The following TNS3 variants were observed in gnomAD, a reference collection of about 807,000 sequenced individuals.
TNS3 encodes tensin-3.
In TNS3, 45 loss-of-function variants were observed where a neutral mutation model predicts 140.9. The observed-to-expected ratio is 0.32, with a 90% CI of 0.25 to 0.41. TNS3 has a LOEUF of 0.41. Among genes scored for constraint, TNS3 ranks in the 10% least tolerant of loss-of-function variants. TNS3 has a pLI of 1.00. For synonymous variants in TNS3, 815 were observed against 788.4 expected (o/e 1.03, Z -0.56); for missense variants, 1,716 against 1,906.7 (o/e 0.90, Z 1.86).
intron 1 of TNS3, among the ~76,000 whole-genome samples, chr7:47,554,482 C>T (rs1202878597): frequency 6.6e-6 from 1 of 150,406 alleles, no homozygotes; most frequent in African/African-American, 2.5e-5. Context: ...CCTTTAAGAA[C>T]ATTTGTGATT....
intron 4 of TNS3, among the ~76,000 whole-genome samples, chr7:47,463,091 G>GA (rs1469326507): frequency 6.6e-6 from 1 of 152,148 alleles, no homozygotes; most frequent in Admixed American, 6.5e-5. Context: ...CCGTCTCTAG[G>GA]AGAAATACAG....
intron 1 of TNS3, among the ~76,000 whole-genome samples, chr7:47,534,537 A>C (rs1799532508): frequency 6.6e-6 from 1 of 152,196 alleles, no homozygotes; most frequent in Admixed American, 6.5e-5. Flanking sequence ...CAATTAAATC[A>C]GATTACCTGG....
At chr7:47,527,192 G>A (rs377023141) in intron 2 of TNS3, among the ~76,000 whole-genome samples, 14 of 152,242 alleles carry the variant, frequency 9.2e-5, no homozygotes, top group Middle Eastern at 3.4e-3. Context: ...AGCCGAGATC[G>A]CGCCACTGCA....
chr7:47,546,264 C>CA (rs1277577431), intron 1 of TNS3, among the ~76,000 whole-genome samples: 2 of 152,206 alleles, frequency 1.3e-5, no homozygotes, highest in Non-Finnish European at 2.9e-5. Context: ...AGACCTTAAC[C>CA]ATCTTACCTG....
At chr7:47,428,287 C>A in intron 9 of TNS3, 25 bp downstream of exon 9, 1 of 1,401,926 alleles carries the variant, frequency 7.1e-7, no homozygotes, top group Non-Finnish European at 9.3e-7. Context: ...CACCTCAAGA[C>A]AGCGAGCTGA....
intron 20 of TNS3, among the ~76,000 whole-genome samples, chr7:47,311,398 G>A (rs1177326393): frequency 2.4e-5 from 2 of 84,932 alleles, no homozygotes; most frequent in Non-Finnish European, 4.9e-5. Context: ...AGAACTTAAA[G>A]AGTGTGTGTG....
rs1441040713 is a variant in TNS3 at position 47,416,260 on chromosome 7, G to A, written c.474-1054C>T. ...GAAGTGGCAGGTGACTGTGTTGCCA[G>A]CACCTACAACCATCCTACCCTAAGC... On this transcript the variant is annotated intron_variant, in intron 10 of 30. Transcript: ENST00000311160. Among the ~76,000 whole-genome samples, 9 of 152,326 alleles carry A rather than the reference G, an allele frequency of 5.9e-5. 1 individual carries two copies. The highest frequency in any genetic ancestry group is 1.9e-4 in the African/African-American group (8 of 41,572).
At chr7:47,396,943 AC>A in intron 15 of TNS3, 39 bp from the exon 16 acceptor site, 2 of 1,495,196 alleles carry the variant, frequency 1.3e-6, no homozygotes, top group Non-Finnish European at 1.9e-6. Flanking sequence ...TCCCAGTGAA[AC>A]CCATCACCTC....
At chr7:47,411,456 A>C (rs2151409460) in intron 13 of TNS3, among the ~76,000 whole-genome samples, 1 of 152,294 alleles carries the variant, frequency 6.6e-6, no homozygotes, top group Middle Eastern at 3.4e-3. Flanking sequence ...TCGCACTCTT[A>C]TAAGAATCTC....
chr7:47,491,659 T>G (rs1178245931), intron 3 of TNS3, among the ~76,000 whole-genome samples: 1 of 152,176 alleles, frequency 6.6e-6, no homozygotes, highest in African/African-American at 2.4e-5. Context: ...AGGCATTTCC[T>G]GGACAATTTT....
intron 3 of TNS3, among the ~76,000 whole-genome samples, chr7:47,504,737 G>T (rs1049355301): frequency 5.9e-5 from 9 of 152,186 alleles, no homozygotes; most frequent in Non-Finnish European, 2.9e-5. Flanking sequence ...AGCAGCTGGG[G>T]AGTTATGGCC....
At chr7:47,453,254 G>T in intron 4 of TNS3, 1 of 985,604 alleles carries the variant, frequency 1.0e-6, no homozygotes. Context: ...CCTGCCAAGG[G>T]CCTGAGGGAC....
intron 20 of TNS3, among the ~76,000 whole-genome samples, chr7:47,343,297 G>C (rs1239243570): frequency 1.3e-5 from 2 of 152,218 alleles, no homozygotes; most frequent in African/African-American, 2.4e-5. Context: ...CAGCCTCCTA[G>C]ACCCTTCTGG....
At chr7:47,285,851 G>A (rs916245073) in intron 27 of TNS3, among the ~76,000 whole-genome samples, 4 of 152,090 alleles carry the variant, frequency 2.6e-5, no homozygotes, top group Non-Finnish European at 4.4e-5. Flanking sequence ...TAGCTCCCTC[G>A]GTGTAATACC....
At chr7:47,444,974 T>C (rs969043086) in intron 4 of TNS3, among the ~76,000 whole-genome samples, 16 of 152,152 alleles carry the variant, frequency 1.1e-4, no homozygotes, top group African/African-American at 3.4e-4. Flanking sequence ...GCAGGGTTCC[T>C]GTAAAGTGTC....
intron 17 of TNS3, among the ~76,000 whole-genome samples, chr7:47,348,397 C>T (rs1028276651): frequency 6.6e-6 from 1 of 152,200 alleles, no homozygotes. Flanking sequence ...CCTGTACTGA[C>T]ATTACAGTCC....
chr7:47,527,189 A>G (rs1234800981), intron 2 of TNS3, among the ~76,000 whole-genome samples: 1 of 152,192 alleles, frequency 6.6e-6, no homozygotes, highest in Non-Finnish European at 1.5e-5. Flanking sequence ...GTGAGCCGAG[A>G]TCGCGCCACT....
chr7:47,405,458 C>T lies in TNS3; in HGVS notation c.724-4544G>A, dbSNP rs1793392130. 5 of 701,700 alleles carry T rather than the reference C, an allele frequency of 7.1e-6. No individual in the cohort carries two copies. The East Asian group carries it at 1.1e-4, about 15-fold the overall frequency. 43.5% of individuals were successfully genotyped at this position (701,700 alleles called of 1,614,324 possible). On this transcript the variant is annotated intron_variant, in intron 13 of 30. Transcript: ENST00000311160. Reference sequence around the variant, plus strand: ...GGTAAAAAGTTAGATAGCTAAGCCCCATAGGTCAAAGACTTAAGTCAGGCA... The same window carrying T: ...GGTAAAAAGTTAGATAGCTAAGCCCTATAGGTCAAAGACTTAAGTCAGGCA...
rs756703134 is a variant in TNS3, at chr7:47,344,738, G to T, written c.2650+17C>A. ...CCTGAGTGCCGCGCGCCTGTGACCC[G>T]CGGGTAGATTTCTTACCACGTCCTC... On this transcript the variant is annotated intron_variant, in intron 20 of 30. Transcript: ENST00000311160. 89 of 1,607,982 alleles carry T rather than the reference G, an allele frequency of 5.5e-5. No individual in the cohort carries two copies. In the Middle Eastern group the frequency reaches 1.1e-3, roughly 20 times the overall value.
Sources: gnomAD v4.1 joint callset for allele counts (sites outside exome capture counted in the v4.1 genomes callset) on GRCh38, gnomAD v4.1.1 for gene constraint, MANE v1.5 for transcripts, NCBI Gene and HGNC (gene_info 2026-07-23, HGNC 2026-07-21) for gene names.